Variants in ATF7IP2 observed in about 807,000 individuals in gnomAD.
The protein encoded by ATF7IP2 is activating transcription factor 7-interacting protein 2.
A neutral mutation model predicts 64.2 loss-of-function variants in ATF7IP2; 42 were observed. The observed-to-expected ratio is 0.65, with a 90% confidence interval of 0.51 to 0.85. The LOEUF is 0.85. ATF7IP2 is among the 40% of genes least tolerant of loss of function. The pLI is 0.00. For missense variants in ATF7IP2, 933 were observed against 784.2 expected (o/e 1.19, Z -2.27); for synonymous variants, 308 against 272.8 (o/e 1.13, Z -1.27).
chr16:10,456,266 G>A (rs951608892), intron 8 of ATF7IP2, among the ~76,000 whole-genome samples: 18 of 152,162 alleles, frequency 1.2e-4, no homozygotes, highest in African/African-American at 4.1e-4. Flanking sequence ...AATGATTTAG[G>A]CAATTCTCAG....
intron 2 of ATF7IP2, among the ~76,000 whole-genome samples, chr16:10,418,445 G>A (rs940007813): frequency 1.3e-5 from 2 of 152,174 alleles, no homozygotes; most frequent in African/African-American, 2.4e-5. Context: ...TTTGCAAGAC[G>A]ATAGAAGCAA....
At chr16:10,407,752 A>G (rs2047672370) in intron 1 of ATF7IP2, among the ~76,000 whole-genome samples, 4 of 152,108 alleles carry the variant, frequency 2.6e-5, no homozygotes. Flanking sequence ...CGAGCACTAT[A>G]CACTGAACCC....
rs145441097 is a variant in ATF7IP2, at chr16:10,446,479, C to G, written c.1194+6017C>G. 247 of 152,232 alleles carry G rather than the reference C, an allele frequency of 1.6e-3. 1 individual carries two copies. Among genetic ancestry groups the G allele is most frequent in the African/African-American group, 5.8e-3 (239 of 41,548 alleles). 9.4% of individuals were successfully genotyped at this position (152,232 alleles called of 1,614,324 possible). On this transcript the variant is annotated intron_variant, in intron 8 of 13. Coordinates refer to ENST00000562102, the MANE Select transcript of ATF7IP2 (RefSeq NM_001393719.1). ...CCAGTCTTTAGGGGGTGAAGGAGTA[C>G]AGGTCCTTGCCACCAACATAGGGCA... is the stretch of plus-strand genomic sequence containing the variant.
chr16:10,468,796 A>G (rs778969318), intron 9 of ATF7IP2, among the ~76,000 whole-genome samples: 4 of 152,224 alleles, frequency 2.6e-5, no homozygotes, highest in Non-Finnish European at 5.9e-5. Context: ...CCTAGAAGTC[A>G]TACATCTTGT....
At chr16:10,435,972 G>T (rs2048405462) in intron 6 of ATF7IP2, among the ~76,000 whole-genome samples, 1 of 152,152 alleles carries the variant, frequency 6.6e-6, no homozygotes, top group South Asian at 2.1e-4. Flanking sequence ...ATTCATGTGG[G>T]TATGAGCTTC....
At position 10,417,314 on chromosome 16, in the gene ATF7IP2, C is replaced by T. The variant is rs770833556; in HGVS notation, c.-202-2267C>T. ...ATGGATTTTCAAAACCCATCAACCA[C>T]GTATATGCTGCTTACCAGAAATGTG... On this transcript the variant is annotated intron_variant, in intron 2 of 13. Transcript: ENST00000562102. Among the ~76,000 whole-genome samples, 20 of 152,110 alleles carry T rather than the reference C, an allele frequency of 1.3e-4. No homozygotes were observed. In the Middle Eastern group the frequency reaches 0.017, roughly 129 times the overall value.
chr16:10,450,926 T>G (rs1248384185), intron 8 of ATF7IP2, among the ~76,000 whole-genome samples: 1 of 152,206 alleles, frequency 6.6e-6, no homozygotes, highest in Non-Finnish European at 1.5e-5. Flanking sequence ...TCTTTACAAT[T>G]TGGTATGTTT....
intron 6 of ATF7IP2, among the ~76,000 whole-genome samples, chr16:10,437,492 C>T (rs1398472241): frequency 6.6e-6 from 1 of 152,066 alleles, no homozygotes; most frequent in Non-Finnish European, 1.5e-5. Flanking sequence ...TTTTATGGTG[C>T]TCTTTTGCGT....
chr16:10,434,416 C>T (rs2048351917), intron 6 of ATF7IP2, among the ~76,000 whole-genome samples: 1 of 152,144 alleles, frequency 6.6e-6, no homozygotes, highest in Non-Finnish European at 1.5e-5. Flanking sequence ...ACCGAAATTT[C>T]CCCGTCTAAA....
chr16:10,460,942 C>A (rs1056878842), intron 9 of ATF7IP2, among the ~76,000 whole-genome samples: 2 of 152,192 alleles, frequency 1.3e-5, no homozygotes, highest in South Asian at 4.2e-4. Flanking sequence ...CACATATAAC[C>A]TGTAGAGGAC....
At chr16:10,422,436 C>G (rs1346465699) in intron 3 of ATF7IP2, among the ~76,000 whole-genome samples, 1 of 152,128 alleles carries the variant, frequency 6.6e-6, no homozygotes, top group Non-Finnish European at 1.5e-5. Flanking sequence ...AGAACTTGTT[C>G]TCCTCATTGT....
chr16:10,467,715 G>C (rs2049630201), intron 9 of ATF7IP2, among the ~76,000 whole-genome samples: 1 of 150,752 alleles, frequency 6.6e-6, no homozygotes, highest in Admixed American at 6.6e-5. Flanking sequence ...ACCACACCTG[G>C]TAATGTTTTG....
chr16:10,456,467 G>A (rs577025572), intron 8 of ATF7IP2, among the ~76,000 whole-genome samples: 1 of 152,134 alleles, frequency 6.6e-6, no homozygotes, highest in Non-Finnish European at 1.5e-5. Context: ...AAGTTCCCCT[G>A]TTTAGGTTTA....
At chr16:10,422,838 G>A (rs528890773) in intron 3 of ATF7IP2, among the ~76,000 whole-genome samples, 3 of 152,324 alleles carry the variant, frequency 2.0e-5, no homozygotes, top group Non-Finnish European at 4.4e-5. Flanking sequence ...CAGGAGCTGC[G>A]CTATACACGC....
chr16:10,482,457 A>C lies in ATF7IP2; in HGVS notation c.*208A>C. ...GTCCTTCCAATGGATAAGTTCTAAA[A>C]CATACGCTATCATTGGCCCATGTTG... On this transcript the variant is annotated 3_prime_UTR_variant, in exon 14 of 14. Coordinates refer to ENST00000562102, the MANE Select transcript of ATF7IP2 (RefSeq NM_001393719.1). 1 of 441,864 alleles carries C rather than the reference A, an allele frequency of 2.3e-6. No homozygotes were observed. Among genetic ancestry groups the C allele is most frequent in the Non-Finnish European group, 4.0e-6 (1 of 251,064 alleles). The allele number at this position is 441,864 out of a possible 1,614,324, so 27.4% of individuals were successfully genotyped here.
chr16:10,395,951 G>C (rs1396593824), intron 1 of ATF7IP2, among the ~76,000 whole-genome samples: 1 of 151,566 alleles, frequency 6.6e-6, no homozygotes, highest in Non-Finnish European at 1.5e-5. Context: ...AATAATAAAA[G>C]CATCGAAATT....
At chr16:10,415,274 A>C (rs1168078362) in intron 2 of ATF7IP2, among the ~76,000 whole-genome samples, 1 of 152,226 alleles carries the variant, frequency 6.6e-6, no homozygotes, top group Non-Finnish European at 1.5e-5. Flanking sequence ...TAGCATAAAA[A>C]CAGACCAAAC....
chr16:10,408,700 T>G (rs972989894), intron 1 of ATF7IP2, among the ~76,000 whole-genome samples: 1 of 152,216 alleles, frequency 6.6e-6, no homozygotes, highest in African/African-American at 2.4e-5. Flanking sequence ...TTTTTTTTCT[T>G]GCTAATTTGT....
intron 3 of ATF7IP2, among the ~76,000 whole-genome samples, chr16:10,426,366 A>G (rs1335679472): frequency 6.6e-6 from 1 of 152,224 alleles, no homozygotes; most frequent in Admixed American, 6.5e-5. Context: ...GGCAAACTAT[A>G]TAGTTAGAAA....
Sources: allele counts gnomAD v4.1 joint callset (sites outside exome capture counted in the v4.1 genomes callset), GRCh38; gene constraint gnomAD v4.1.1; transcripts MANE v1.5; gene names NCBI Gene and HGNC (gene_info 2026-07-23, HGNC 2026-07-21).